KANK1: variants seen among roughly 807,000 people sequenced by gnomAD.
KANK1 encodes the protein KN motif and ankyrin repeat domain-containing protein 1.
A neutral mutation model predicts 106.2 loss-of-function variants in KANK1; 109 were observed. The ratio of observed to expected loss-of-function variants is 1.03; its 90% CI spans 0.88 to 1.20. The LOEUF (loss-of-function observed/expected upper bound fraction) is 1.20, where lower values mean the gene tolerates loss of function less well. Among genes scored for constraint, KANK1 ranks in the 50% most tolerant of loss-of-function variants. The pLI, the probability that KANK1 is intolerant of heterozygous loss-of-function variation, is 0.00. For synonymous variants in KANK1, 873 were observed against 652.2 expected, an observed-to-expected ratio of 1.34 and a Z score of -5.16; for missense variants, 2,399 against 1,710.7, an observed-to-expected ratio of 1.40 and a Z score of -7.10.
intron 1 of KANK1, chr9:674,350 C>CA (rs953904730): frequency 5.4e-5 from 8 of 149,330 alleles, no homozygotes; most frequent in African/African-American, 7.5e-5. Flanking sequence ...CTGGAAAAGC[C>CA]ACGCAGCGGG....
chr9:575,509 A>T (rs550385138), intron 1 of KANK1, among the ~76,000 whole-genome samples: 2 of 10,310 alleles, frequency 1.9e-4, no homozygotes, highest in Admixed American at 1.5e-3. Flanking sequence ...CTCTACAGGG[A>T]AAAAAAAAAA....
chr9:693,826 C>A (rs751078820), intron 2 of KANK1: 131 of 984,532 alleles, frequency 1.3e-4, no homozygotes, highest in Non-Finnish European at 1.5e-4. Context: ...AGGAGGAGAG[C>A]ATGATGTTTG....
At chr9:630,672 C>A (rs1488522665) in intron 1 of KANK1, among the ~76,000 whole-genome samples, 1 of 152,122 alleles carries the variant, frequency 6.6e-6, no homozygotes, top group Non-Finnish European at 1.5e-5. Flanking sequence ...GAGGCCAAGG[C>A]GGTCAGATCA....
chr9:505,078 G>A (rs1380445867), intron 1 of KANK1, among the ~76,000 whole-genome samples: 26 of 151,994 alleles, frequency 1.7e-4, no homozygotes, highest in Non-Finnish European at 7.4e-5. Context: ...GGAGCAGCGA[G>A]AAAGTTCGGG....
rs1820456969 is a variant in KANK1, at chr9:693,377, CACAA to C, written c.37+16373_37+16376del. Reference sequence around the variant, plus strand: ...GTTAGGGAAAGAGGGAGTAAGTCAGCACAAACAATGAGGAAACATTTGCTGCCTT... The same window carrying C: ...GTTAGGGAAAGAGGGAGTAAGTCAGCACAATGAGGAAACATTTGCTGCCTT... On this transcript the variant is annotated intron_variant, in intron 2 of 11. Coordinates refer to ENST00000382297, the MANE Select transcript of KANK1 (RefSeq NM_015158.5). The C allele has an allele frequency of 1.1e-5, 11 of 985,192 alleles. No individual in the cohort carries two copies. The South Asian group carries it at 3.8e-4, about 34-fold the overall frequency. The allele number at this position is 985,192 out of a possible 1,614,324, so 61.0% of individuals were successfully genotyped here. A position where few individuals can be genotyped will look rare whatever the true frequency, so the allele number is the denominator to read the frequency against.
At chr9:658,913 T>C (rs1262896136) in intron 1 of KANK1, among the ~76,000 whole-genome samples, 1 of 152,176 alleles carries the variant, frequency 6.6e-6, no homozygotes, top group Non-Finnish European at 1.5e-5. Flanking sequence ...GTTGTTTCCG[T>C]GGAAAGACCC....
chr9:532,592 T>G (rs938017181), intron 1 of KANK1, among the ~76,000 whole-genome samples: 3 of 152,042 alleles, frequency 2.0e-5, no homozygotes, highest in Non-Finnish European at 4.4e-5. Flanking sequence ...TGTTTTATTT[T>G]TAAATTTAGA....
At chr9:485,832 C>G (rs1480319266) in intron 3 of KANK1, among the ~76,000 whole-genome samples, 1 of 148,418 alleles carries the variant, frequency 6.7e-6, no homozygotes, top group East Asian at 2.0e-4. Flanking sequence ...GATCGTGTCA[C>G]TACACTCCAG....
chr9:632,044 T>A (rs1835867996), intron 1 of KANK1, among the ~76,000 whole-genome samples: 1 of 152,244 alleles, frequency 6.6e-6, no homozygotes, highest in Non-Finnish European at 1.5e-5. Context: ...CATTAATCCC[T>A]GTCTCCGTAG....
At position 582,612 on chromosome 9, in the gene KANK1, A is replaced by G. The variant is rs145463913; in HGVS notation, c.-84+77858A>G. Among the ~76,000 whole-genome samples the G allele has an allele frequency of 3.9e-5, 6 of 152,286 alleles. No homozygotes were observed. In the East Asian group the frequency reaches 7.7e-4, roughly 20 times the overall value. On this transcript the variant is annotated intron_variant, in intron 1 of 11. Coordinates refer to ENST00000382297, the MANE Select transcript of KANK1 (RefSeq NM_015158.5). ...TGCTGCCTTGCCCATAGCACAACCA[A>G]TGCATTTAAAAAATAAAAACATTTG...
intron 1 of KANK1, among the ~76,000 whole-genome samples, chr9:586,750 C>T (rs1360691780): frequency 6.6e-6 from 1 of 152,150 alleles, no homozygotes; most frequent in African/African-American, 2.4e-5. Context: ...AGGGATCCAG[C>T]GCTTTTCTTT....
At chr9:554,024 T>C (rs2061431234) in intron 1 of KANK1, among the ~76,000 whole-genome samples, 1 of 152,192 alleles carries the variant, frequency 6.6e-6, no homozygotes, top group African/African-American at 2.4e-5. Context: ...CGTACAAATG[T>C]ACATTTTTGA....
At chr9:633,591 T>C (rs1836349061) in intron 1 of KANK1, among the ~76,000 whole-genome samples, 1 of 152,240 alleles carries the variant, frequency 6.6e-6, no homozygotes, top group South Asian at 2.1e-4. Context: ...TTCCTGAACC[T>C]GGCATATGAG....
intron 1 of KANK1, among the ~76,000 whole-genome samples, chr9:514,118 C>T (rs1305022657): frequency 4.9e-5 from 6 of 122,466 alleles, no homozygotes; most frequent in African/African-American, 2.3e-4. Flanking sequence ...CTCTCTTCCT[C>T]CCTCTCTCTC....
At chr9:675,298 G>T (rs1048562824) in intron 1 of KANK1, among the ~76,000 whole-genome samples, 4 of 152,222 alleles carry the variant, frequency 2.6e-5, no homozygotes, top group Admixed American at 6.5e-5. Flanking sequence ...TTGGCATTCT[G>T]TTGTTAAGAG....
At chr9:689,667 A>G (rs745584558) in intron 2 of KANK1, among the ~76,000 whole-genome samples, 1 of 152,170 alleles carries the variant, frequency 6.6e-6, no homozygotes, top group Non-Finnish European at 1.5e-5. Context: ...GGAAAGGGCC[A>G]TACCCACTTT....
chr9:725,845 A>G (rs1830509589), intron 3 of KANK1, among the ~76,000 whole-genome samples: 1 of 152,222 alleles, frequency 6.6e-6, no homozygotes, highest in Non-Finnish European at 1.5e-5. Context: ...CTTTTCTTCT[A>G]AGAATCTAAG....
intron 1 of KANK1, among the ~76,000 whole-genome samples, chr9:553,312 A>G (rs1185684481): frequency 6.6e-6 from 1 of 152,230 alleles, no homozygotes; most frequent in Non-Finnish European, 1.5e-5. Flanking sequence ...TAATGATAAA[A>G]TTACTGTGGA....
rs181242074 is a variant in KANK1 at position 552,647 on chromosome 9, T to C, written c.-84+47893T>C. 2.0e-5 allele frequency among the ~76,000 whole-genome samples: 3 copies of C among 152,372 alleles called. No homozygotes were observed. The East Asian group carries it at 5.8e-4, about 29-fold the overall frequency. ...CAGCCCTGCCAAAATGTAATTTCTT[T>C]AATTCATCAAATCACATTCTTGACT... is the stretch of plus-strand genomic sequence containing the variant. On this transcript the variant is annotated intron_variant, in intron 1 of 11. Transcript: ENST00000382297.
Sources: allele counts gnomAD v4.1 joint callset (sites outside exome capture counted in the v4.1 genomes callset), GRCh38; gene constraint gnomAD v4.1.1; transcripts MANE v1.5; gene names NCBI Gene and HGNC (gene_info 2026-07-23, HGNC 2026-07-21).